Variants in ZMAT4 observed in about 807,000 individuals in gnomAD.
ZMAT4 encodes zinc finger matrin-type protein 4.
In ZMAT4, 17 loss-of-function variants were observed where a neutral mutation model predicts 28.7. That is an observed-to-expected ratio of 0.59 (90% confidence interval 0.41 to 0.89). The LOEUF is 0.89. Among genes scored for constraint, ZMAT4 ranks in the 40% least tolerant of loss-of-function variants. The pLI, the probability that ZMAT4 is intolerant of heterozygous loss-of-function variation, is 0.00. For synonymous variants in ZMAT4, 117 were observed against 109.2 expected (o/e 1.07, Z -0.44); for missense variants, 240 against 283.8 (o/e 0.85, Z 1.11).
chr8:40,725,761 C>T (rs865826631), intron 3 of ZMAT4, among the ~76,000 whole-genome samples: 1 of 152,038 alleles, frequency 6.6e-6, no homozygotes, highest in Admixed American at 6.5e-5. Flanking sequence ...CAGAGTGAGA[C>T]TCTGCCTCAA....
At chr8:40,689,083 C>A (rs900176577) in intron 4 of ZMAT4, among the ~76,000 whole-genome samples, 1 of 152,136 alleles carries the variant, frequency 6.6e-6, no homozygotes, top group Non-Finnish European at 1.5e-5. Context: ...TGGGACCTCC[C>A]TAGGAATGCC....
intron 5 of ZMAT4, among the ~76,000 whole-genome samples, chr8:40,626,775 G>T (rs1382219957): frequency 6.6e-6 from 1 of 152,192 alleles, no homozygotes; most frequent in Non-Finnish European, 1.5e-5. Context: ...GTGAGATGTT[G>T]GATGGACAGG....
intron 1 of ZMAT4, among the ~76,000 whole-genome samples, chr8:40,879,769 C>T (rs751006571): frequency 5.9e-5 from 9 of 152,172 alleles, no homozygotes; most frequent in Admixed American, 2.6e-4. Context: ...AGCATTTTGG[C>T]GTATTTTATT....
chr8:40,766,341 G>A (rs1813158255), intron 3 of ZMAT4, among the ~76,000 whole-genome samples: 1 of 152,216 alleles, frequency 6.6e-6, no homozygotes, highest in Non-Finnish European at 1.5e-5. Context: ...GTGCCTGCAT[G>A]TGATGCTTGG....
At chr8:40,593,826 C>A (rs901432547) in intron 5 of ZMAT4, among the ~76,000 whole-genome samples, 1 of 152,186 alleles carries the variant, frequency 6.6e-6, no homozygotes, top group African/African-American at 2.4e-5. Context: ...TGGGTACCTG[C>A]GTCTAATCTT....
rs551610208 is a variant in ZMAT4, at chr8:40,862,769, A to G, written c.-5+34914T>C. ...TCTCACTCATAGGTGGGAATTGAACAATGAGAACACTTGGACACAGGAAGG... is the reference window on the plus strand; with the variant it reads ...TCTCACTCATAGGTGGGAATTGAACGATGAGAACACTTGGACACAGGAAGG... On this transcript the variant is annotated intron_variant, in intron 1 of 6. Coordinates refer to ENST00000297737, the MANE Select transcript of ZMAT4 (RefSeq NM_024645.3). Among the ~76,000 whole-genome samples, 4 of 151,720 alleles carry G rather than the reference A, an allele frequency of 2.6e-5. No homozygotes were observed. In the East Asian group the frequency reaches 7.8e-4, roughly 30 times the overall value.
intron 5 of ZMAT4, among the ~76,000 whole-genome samples, chr8:40,664,338 T>C (rs1395299267): frequency 6.6e-6 from 1 of 152,172 alleles, no homozygotes; most frequent in African/African-American, 2.4e-5. Flanking sequence ...GTGAGTGAGC[T>C]GCCTTTTCTC....
At chr8:40,715,484 T>C (rs1810811894) in intron 3 of ZMAT4, among the ~76,000 whole-genome samples, 1 of 152,176 alleles carries the variant, frequency 6.6e-6, no homozygotes. Context: ...AAAGGTGATA[T>C]ATATATACAT....
At chr8:40,831,032 G>A (rs9657186) in intron 1 of ZMAT4, among the ~76,000 whole-genome samples, 29,088 of 152,092 alleles carry the variant, frequency 0.19, 2,936 homozygotes, top group South Asian at 0.3. Flanking sequence ...TTGTATTATC[G>A]TTATTCTTAT....
At chr8:40,840,497 A>ATG (rs1033910543) in intron 1 of ZMAT4, among the ~76,000 whole-genome samples, 2 of 152,164 alleles carry the variant, frequency 1.3e-5, no homozygotes, top group African/African-American at 4.8e-5. Context: ...TCCCTGGCAA[A>ATG]CCCTGACTGT....
intron 5 of ZMAT4, among the ~76,000 whole-genome samples, chr8:40,636,313 G>GT (rs1806790374): frequency 6.6e-6 from 1 of 152,222 alleles, no homozygotes; most frequent in Non-Finnish European, 1.5e-5. Flanking sequence ...AGCAGTAGGG[G>GT]TTGAAGTATG....
intron 5 of ZMAT4, among the ~76,000 whole-genome samples, chr8:40,629,653 G>A (rs182194895): frequency 0.013 from 1,904 of 149,828 alleles, 20 homozygotes; most frequent in Non-Finnish European, 0.02. Flanking sequence ...GAGAACATGC[G>A]GTGTTTGGTT....
At chr8:40,758,466 T>C (rs541399271) in intron 3 of ZMAT4, among the ~76,000 whole-genome samples, 169 of 152,316 alleles carry the variant, frequency 1.1e-3, no homozygotes, top group Non-Finnish European at 2.2e-3. Context: ...ATTCCTGTGT[T>C]GACGTATTAA....
intron 6 of ZMAT4, among the ~76,000 whole-genome samples, chr8:40,557,333 G>T (rs997104843): frequency 6.6e-6 from 1 of 152,024 alleles, no homozygotes; most frequent in African/African-American, 2.4e-5. Context: ...TACCATTTAG[G>T]TTCTTAATCT....
chr8:40,730,298 C>G (rs1174909583), intron 3 of ZMAT4, among the ~76,000 whole-genome samples: 1 of 152,108 alleles, frequency 6.6e-6, no homozygotes, highest in Non-Finnish European at 1.5e-5. Context: ...CTTTGCTTTA[C>G]TTTTACTAAT....
intron 1 of ZMAT4, among the ~76,000 whole-genome samples, chr8:40,860,017 TC>T (rs374181169): frequency 6.6e-6 from 1 of 152,276 alleles, no homozygotes; most frequent in African/African-American, 2.4e-5. Context: ...AGAAAAGGAT[TC>T]CGTGTGGCCA....
intron 3 of ZMAT4, among the ~76,000 whole-genome samples, chr8:40,760,270 T>C (rs1041302585): frequency 1.3e-5 from 2 of 152,212 alleles, no homozygotes; most frequent in African/African-American, 4.8e-5. Context: ...ATTCCCCCTA[T>C]TGCAATAGAC....
At chr8:40,634,157 G>A (rs1327759313) in intron 5 of ZMAT4, among the ~76,000 whole-genome samples, 1 of 152,114 alleles carries the variant, frequency 6.6e-6, no homozygotes. Context: ...ATGGAGAGGA[G>A]CAAAACAAAA....
chr8:40,729,122 C>G (rs1242248100), intron 3 of ZMAT4, among the ~76,000 whole-genome samples: 1 of 152,154 alleles, frequency 6.6e-6, no homozygotes, highest in Non-Finnish European at 1.5e-5. Context: ...GACCTAAAAG[C>G]GATGCATTTC....
Sources: gnomAD v4.1 joint callset for allele counts (sites outside exome capture counted in the v4.1 genomes callset) on GRCh38, gnomAD v4.1.1 for gene constraint, MANE v1.5 for transcripts, NCBI Gene and HGNC (gene_info 2026-07-23, HGNC 2026-07-21) for gene names.